The following CDADC1 variants were observed in gnomAD, a reference collection of about 807,000 sequenced individuals.
The protein encoded by CDADC1 is dCTP deaminase.
CDADC1 carries 39 observed loss-of-function variants against 54.9 expected under a neutral mutation model. The ratio of observed to expected loss-of-function variants is 0.71; its 90% CI spans 0.55 to 0.93. The LOEUF (loss-of-function observed/expected upper bound fraction) is 0.93. CDADC1 is among the 40% of genes least tolerant of loss of function. The pLI is 0.00. For synonymous variants in CDADC1, 186 were observed against 204.0 expected, an observed-to-expected ratio of 0.91 and a Z score of 0.75; for missense variants, 518 against 618.8, an observed-to-expected ratio of 0.84 and a Z score of 1.73.
chr13:49,286,002 C>T (rs752838461), intron 8 of CDADC1, among the ~76,000 whole-genome samples: 7 of 151,930 alleles, frequency 4.6e-5, no homozygotes, highest in South Asian at 2.1e-4. Context: ...TTATTAAAGA[C>T]GGAGTTTCAC....
At chr13:49,269,375 A>G (rs1952907133) in intron 5 of CDADC1, among the ~76,000 whole-genome samples, 1 of 151,900 alleles carries the variant, frequency 6.6e-6, no homozygotes, top group South Asian at 2.1e-4. Context: ...ACCCAGACCT[A>G]TTAAACCAAG....
intron 6 of CDADC1, among the ~76,000 whole-genome samples, chr13:49,274,873 A>T (rs148287522): frequency 1.3e-5 from 2 of 152,276 alleles, no homozygotes; most frequent in African/African-American, 4.8e-5. Flanking sequence ...AGTGATGGAG[A>T]TGTAGAAGTA....
intron 3 of CDADC1, among the ~76,000 whole-genome samples, chr13:49,258,285 G>T (rs932015309): frequency 1.1e-4 from 16 of 152,212 alleles, no homozygotes; most frequent in African/African-American, 3.6e-4. Context: ...TTTGGAAGGG[G>T]ATGGGGAATA....
chr13:49,258,151 C>T (rs1027328092), intron 3 of CDADC1, among the ~76,000 whole-genome samples: 3 of 152,152 alleles, frequency 2.0e-5, no homozygotes, highest in Admixed American at 6.5e-5. Flanking sequence ...AATTATTCTC[C>T]GTAATCTCAA....
intron 8 of CDADC1, among the ~76,000 whole-genome samples, chr13:49,283,659 A>G (rs1374652122): frequency 1.3e-5 from 2 of 152,194 alleles, no homozygotes; most frequent in African/African-American, 4.8e-5. Flanking sequence ...AGAAAGGGCA[A>G]GAGAAGCAGA....
chr13:49,268,195 G>C lies in CDADC1; in HGVS notation c.1000+136G>C, dbSNP rs1952872330. 7.1e-6 allele frequency: 5 copies of C among 701,826 alleles called. No individual in the cohort carries two copies. In the Admixed American group the frequency reaches 1.4e-4, roughly 20 times the overall value. The allele number at this position is 701,826 out of a possible 1,614,324, so 43.5% of individuals were successfully genotyped here. A position where few individuals can be genotyped will look rare whatever the true frequency, so the allele number is the denominator to read the frequency against. On this transcript the variant is annotated intron_variant, in intron 5 of 9. Coordinates refer to ENST00000251108, the MANE Select transcript of CDADC1 (RefSeq NM_030911.4). ...CTGTTCATACAATATAGAGAAGTTA[G>C]TGAGACCCTTGAGTAGACAACTCTT... is the stretch of plus-strand genomic sequence containing the variant.
Position 49,292,072 on chromosome 13 carries a change from G to A in CDADC1, c.*315G>A, listed in dbSNP as rs1315159062. 9.1e-7 allele frequency: 1 copy of A among 1,095,722 alleles called. No homozygotes were observed. Among genetic ancestry groups the A allele is most frequent in the Non-Finnish European group, 1.1e-6 (1 of 896,876 alleles). The allele number at this position is 1,095,722 out of a possible 1,614,324, so 67.9% of individuals were successfully genotyped here. On this transcript the variant is annotated 3_prime_UTR_variant, in exon 10 of 10. Coordinates refer to ENST00000251108, the MANE Select transcript of CDADC1 (RefSeq NM_030911.4). ...ACTTTATATTAGCCAATTTGAAAGGGTCTGCTTCACAAGAGGTCATGCCTC... is the reference window on the plus strand; with the variant it reads ...ACTTTATATTAGCCAATTTGAAAGGATCTGCTTCACAAGAGGTCATGCCTC...
chr13:49,267,926 T>C lies in CDADC1; in HGVS notation c.867T>C (p.Ser289=). The C allele has an allele frequency of 6.2e-7, 1 of 1,614,166 alleles. No homozygotes were observed. Among genetic ancestry groups the C allele is most frequent in the East Asian group, 2.2e-5 (1 of 44,890 alleles). ...LILLLATVAS[S]VPNFKHFGFY... ...TACTTTTGGCCACAGTAGCTTCCAG[T>C]GTGCCGAACTTTAAACACTTCGGAT... The change falls in exon 5 of 10, where the codon AGT becomes AGC. Residue 289 remains serine (S), a synonymous_variant. Coordinates refer to ENST00000251108, the MANE Select transcript of CDADC1 (RefSeq NM_030911.4).
intron 7 of CDADC1, among the ~76,000 whole-genome samples, chr13:49,279,499 G>C (rs1953252822): frequency 6.6e-6 from 1 of 152,224 alleles, no homozygotes. Context: ...AGTTAGGTTG[G>C]AATGTGGACA....
At chr13:49,257,246 G>A (rs568014779) in intron 3 of CDADC1, among the ~76,000 whole-genome samples, 21 of 152,182 alleles carry the variant, frequency 1.4e-4, no homozygotes, top group African/African-American at 4.8e-4. Flanking sequence ...AAATAAACTC[G>A]ACCCAAAAGA....
chr13:49,289,364 G>A (rs1411869752), intron 9 of CDADC1, among the ~76,000 whole-genome samples: 1 of 152,004 alleles, frequency 6.6e-6, no homozygotes, highest in Non-Finnish European at 1.5e-5. Context: ...TGGACCTCAG[G>A]TGATCTGCCC....
chr13:49,264,889 TC>T (rs1398023219), intron 4 of CDADC1, among the ~76,000 whole-genome samples: 2 of 152,130 alleles, frequency 1.3e-5, no homozygotes, highest in East Asian at 1.9e-4. Flanking sequence ...TACCATTATT[TC>T]CCCCATTTTA....
intron 3 of CDADC1, among the ~76,000 whole-genome samples, chr13:49,258,428 A>G (rs1263354750): frequency 6.6e-6 from 1 of 152,144 alleles, no homozygotes; most frequent in African/African-American, 2.4e-5. Context: ...CTTATGCAGA[A>G]CTGACTTTTT....
chr13:49,274,247 A>G (rs1555313686), intron 5 of CDADC1, 44 bp from the exon 6 acceptor site: 2 of 1,428,876 alleles, frequency 1.4e-6, no homozygotes, highest in Non-Finnish European at 1.9e-6. Context: ...TCTAAAACTA[A>G]CATATCATAA....
chr13:49,267,578 T>A lies in CDADC1; in HGVS notation c.519T>A (p.Asp173Glu). 6.2e-7 allele frequency: 1 copy of A among 1,614,174 alleles called. No individual in the cohort carries two copies. Among genetic ancestry groups the A allele is most frequent in the Admixed American group, 1.7e-5 (1 of 60,004 alleles). Reference sequence around the variant, plus strand: ...CTAGTTCTGAAGATGCAAAGTTAGATGCCAAAGCAGTGGAAAGATTGAAGT... The same window carrying A: ...CTAGTTCTGAAGATGCAAAGTTAGAAGCCAAAGCAGTGGAAAGATTGAAGT... ...EASSSEDAKL[D>E]AKAVERLKSN... The change falls in exon 5 of 10, where the codon GAT (aspartate) becomes GAA (glutamate). Residue 173 changes from aspartate (D) to glutamate (E), a missense_variant. Coordinates refer to ENST00000251108, the MANE Select transcript of CDADC1 (RefSeq NM_030911.4).
intron 8 of CDADC1, among the ~76,000 whole-genome samples, chr13:49,285,702 T>C (rs542040757): frequency 1.3e-5 from 2 of 152,312 alleles, no homozygotes; most frequent in South Asian, 4.1e-4. Context: ...CTTCAACTTC[T>C]CTAAGAGTAT....
chr13:49,271,248 A>G (rs942111493), intron 5 of CDADC1, among the ~76,000 whole-genome samples: 5 of 5,844 alleles, frequency 8.6e-4, no homozygotes, highest in Non-Finnish European at 1.2e-3. Context: ...GTAGCAAAAA[A>G]GTGGAAAAAA....
In CDADC1 at chr13:49,286,266, GC is replaced by G; in HGVS notation, c.1457del (p.Pro486LeufsTer9). The G allele has an allele frequency of 6.2e-7, 1 of 1,612,988 alleles. No individual in the cohort carries two copies. The highest frequency in any genetic ancestry group is 8.5e-7 in the Non-Finnish European group (1 of 1,178,986). ...GAGCTTATGGTCTTGAACAAAATGA[GC>G]CTGAAAGGAGAGAAAGTAAGTATTT... The part of the protein sequence containing the change: ...SGAYGLEQNE[P>X]ERRENGVLRP... On this transcript the variant is annotated frameshift_variant, in exon 9 of 10. Coordinates refer to ENST00000251108, the MANE Select transcript of CDADC1 (RefSeq NM_030911.4). LOFTEE classifies it high-confidence loss of function.
intron 3 of CDADC1, among the ~76,000 whole-genome samples, chr13:49,257,499 G>C (rs753581248): frequency 2.6e-5 from 4 of 152,122 alleles, no homozygotes; most frequent in Non-Finnish European, 4.4e-5. Context: ...GGCCGGGCAC[G>C]GTGGCTCACG....
Sources: gnomAD v4.1 joint callset for allele counts (sites outside exome capture counted in the v4.1 genomes callset) on GRCh38, gnomAD v4.1.1 for gene constraint, MANE v1.5 for transcripts, NCBI Gene and HGNC (gene_info 2026-07-23, HGNC 2026-07-21) for gene names.